Variants in MYT1L observed in about 807,000 individuals in gnomAD.
The protein encoded by MYT1L is myelin transcription factor 1 like, also known as myelin transcription factor 1-like protein.
Under a neutral mutation model 126.7 loss-of-function variants are expected in MYT1L, and 12 were observed. The observed-to-expected ratio is 0.09, with a 90% confidence interval of 0.06 to 0.15. The LOEUF (loss-of-function observed/expected upper bound fraction) is 0.15, where lower values mean the gene tolerates loss of function less well. Among genes scored for constraint, MYT1L ranks in the 10% least tolerant of loss-of-function variants. The pLI, the probability that MYT1L is intolerant of heterozygous loss-of-function variation, is 1.00. For synonymous variants in MYT1L, 541 were observed against 604.2 expected, an observed-to-expected ratio of 0.90 and a Z score of 1.53; for missense variants, 979 against 1,585.2, an observed-to-expected ratio of 0.62 and a Z score of 6.49.
At chr2:2,143,669 C>A (rs560610666) in intron 3 of MYT1L, among the ~76,000 whole-genome samples, 1 of 152,180 alleles carries the variant, frequency 6.6e-6, no homozygotes, top group Non-Finnish European at 1.5e-5. Context: ...AAGGCTGAGA[C>A]ATGGGGTGGC....
At chr2:2,087,110 G>A (rs2076433983) in intron 3 of MYT1L, among the ~76,000 whole-genome samples, 4 of 152,138 alleles carry the variant, frequency 2.6e-5, no homozygotes, top group South Asian at 2.1e-4. Flanking sequence ...GTAACTCCCC[G>A]TGACACCACG....
chr2:1,843,645 A>G (rs1232282343), intron 19 of MYT1L, among the ~76,000 whole-genome samples: 1 of 151,716 alleles, frequency 6.6e-6, no homozygotes, highest in Non-Finnish European at 1.5e-5. Context: ...ACCCAGGGAG[A>G]ATTAAAGTGT....
chr2:2,070,142 A>G (rs1251481318), intron 3 of MYT1L, among the ~76,000 whole-genome samples: 1 of 152,026 alleles, frequency 6.6e-6, no homozygotes, highest in African/African-American at 2.4e-5. Flanking sequence ...TTGCTGTTCC[A>G]TTTCTACTAC....
chr2:1,810,629 C>T (rs1194725814), intron 21 of MYT1L, among the ~76,000 whole-genome samples: 1 of 152,106 alleles, frequency 6.6e-6, no homozygotes, highest in African/African-American at 2.4e-5. Context: ...TCTCTAATAT[C>T]TGCATTAATA....
intron 19 of MYT1L, among the ~76,000 whole-genome samples, chr2:1,849,706 A>G (rs1316319933): frequency 1.3e-5 from 2 of 152,240 alleles, no homozygotes; most frequent in Non-Finnish European, 1.5e-5. Flanking sequence ...AGAGCTTGCA[A>G]CGTTGGCACG....
chr2:1,987,442 G>A (rs912783333), intron 5 of MYT1L, among the ~76,000 whole-genome samples: 1 of 152,030 alleles, frequency 6.6e-6, no homozygotes, highest in African/African-American at 2.4e-5. Context: ...CATGGGAGGG[G>A]CAGCCAGTGT....
At chr2:2,264,909 G>A (rs1331683001) in intron 2 of MYT1L, among the ~76,000 whole-genome samples, 4 of 152,294 alleles carry the variant, frequency 2.6e-5, no homozygotes, top group Middle Eastern at 3.4e-3. Context: ...ATGCAAAGCC[G>A]AGAAAAGGAG....
At chr2:1,842,532 C>T (rs1454318891) in intron 19 of MYT1L, 2 of 152,290 alleles carry the variant, frequency 1.3e-5, no homozygotes, top group African/African-American at 2.4e-5. Flanking sequence ...CTTTCTTCTC[C>T]CCGCCCTCTT....
chr2:1,882,276 C>CA (rs781729857), intron 18 of MYT1L, among the ~76,000 whole-genome samples: 7 of 152,146 alleles, frequency 4.6e-5, no homozygotes, highest in Admixed American at 2.0e-4. Context: ...GGGAGTGACC[C>CA]ACACCCGAGA....
At chr2:2,142,151 G>A (rs954842551) in intron 3 of MYT1L, among the ~76,000 whole-genome samples, 7 of 151,764 alleles carry the variant, frequency 4.6e-5, no homozygotes, top group Non-Finnish European at 1.0e-4. Context: ...CCCCTTTCTC[G>A]CCTGTTTGAG....
intron 4 of MYT1L, among the ~76,000 whole-genome samples, chr2:2,038,605 T>C (rs2067153028): frequency 6.6e-6 from 1 of 152,190 alleles, no homozygotes; most frequent in Admixed American, 6.5e-5. Flanking sequence ...TATCTCCCCT[T>C]CAAATCGATT....
At chr2:2,315,499 C>T (rs878842) in intron 1 of MYT1L, among the ~76,000 whole-genome samples, 29,536 of 152,150 alleles carry the variant, frequency 0.19, 3,422 homozygotes, top group South Asian at 0.28. Context: ...GTGCCTATAA[C>T]AATCCTATAG....
intron 23 of MYT1L, among the ~76,000 whole-genome samples, chr2:1,794,707 G>A (rs1266671167): frequency 1.3e-5 from 2 of 152,200 alleles, no homozygotes; most frequent in Non-Finnish European, 1.5e-5. Context: ...GAATCTCTGT[G>A]AGACTCAGGA....
intron 4 of MYT1L, among the ~76,000 whole-genome samples, chr2:2,033,750 G>C (rs1445579640): frequency 6.6e-6 from 1 of 152,104 alleles, no homozygotes; most frequent in African/African-American, 2.4e-5. Context: ...CAGCTGTTTT[G>C]TCCCCATTCA....
At chr2:1,908,608 T>C (rs1024764714) in intron 13 of MYT1L, among the ~76,000 whole-genome samples, 1 of 152,076 alleles carries the variant, frequency 6.6e-6, no homozygotes, top group Non-Finnish European at 1.5e-5. Flanking sequence ...ACTTTCAAAT[T>C]CTCCTTTGAC....
At chr2:2,048,920 G>A (rs900309269) in intron 4 of MYT1L, among the ~76,000 whole-genome samples, 10 of 152,152 alleles carry the variant, frequency 6.6e-5, no homozygotes, top group Admixed American at 1.3e-4. Context: ...GATAACACAA[G>A]TCATGAGAAA....
chr2:2,307,561 T>A (rs1468568482), intron 1 of MYT1L, among the ~76,000 whole-genome samples: 1 of 152,084 alleles, frequency 6.6e-6, no homozygotes, highest in Non-Finnish European at 1.5e-5. Context: ...CCTTCAGTAA[T>A]TTCACATTAT....
At chr2:2,160,209 G>C in intron 3 of MYT1L, among the ~76,000 whole-genome samples, 1 of 152,198 alleles carries the variant, frequency 6.6e-6, no homozygotes, top group East Asian at 1.9e-4. Context: ...GAAAGACGAT[G>C]TAGGCTTTGC....
chr2:2,180,663 T>A (rs939592085), intron 2 of MYT1L, among the ~76,000 whole-genome samples: 2 of 151,636 alleles, frequency 1.3e-5, no homozygotes, highest in Non-Finnish European at 2.9e-5. Flanking sequence ...TGTGTATGCC[T>A]GTGTGTGCAC....
Sources: allele counts gnomAD v4.1 joint callset (sites outside exome capture counted in the v4.1 genomes callset), GRCh38; gene constraint gnomAD v4.1.1; transcripts MANE v1.5; gene names NCBI Gene and HGNC (gene_info 2026-07-23, HGNC 2026-07-21).